The following L3MBTL3 variants were observed in gnomAD, a reference collection of about 807,000 sequenced individuals.
L3MBTL3 encodes the protein lethal(3)malignant brain tumor-like protein 3.
Under a neutral mutation model 102.3 loss-of-function variants are expected in L3MBTL3, and 27 were observed. That is an observed-to-expected ratio of 0.26 (90% CI 0.19 to 0.36). The LOEUF (loss-of-function observed/expected upper bound fraction) is 0.36, where lower values mean the gene tolerates loss of function less well. L3MBTL3 is among the 10% of genes least tolerant of loss of function. The pLI is 1.00. For synonymous variants in L3MBTL3, 340 were observed against 320.9 expected (o/e 1.06, Z -0.64); for missense variants, 798 against 955.3 (o/e 0.84, Z 2.17).
chr6:130,051,097 C>T, intron 5 of L3MBTL3, 152 bp from the exon 6 acceptor site: 1 of 579,004 alleles, frequency 1.7e-6, no homozygotes, highest in South Asian at 2.7e-5. Flanking sequence ...GCCCATACCC[C>T]CCGAAAACAC....
chr6:130,060,080 G>T lies in L3MBTL3; in HGVS notation c.804G>T (p.Met268Ile). Residue 268 changes from methionine to isoleucine, a missense_variant, in exon 10 of 23, where the codon ATG becomes ATT. Met to Ile is a conservative substitution (Grantham distance 10). Around this residue, in one of 4 missense-constraint regions of L3MBTL3, gnomAD observed 434 missense variants for 506.6 expected, o/e 0.86. Coordinates refer to ENST00000361794, the MANE Select transcript of L3MBTL3 (RefSeq NM_032438.4). ...PYNKNGFKVGMKLEGVDPEHQ... is the reference protein window; with the variant it reads ...PYNKNGFKVGIKLEGVDPEHQ... ...ACAAAAATGGATTCAAAGTTGGCAT[G>T]AAATTAGAAGGCGTGGATCCTGAGC... 1 of 1,613,786 alleles carries T rather than the reference G, an allele frequency of 6.2e-7. No homozygotes were observed. The highest frequency in any genetic ancestry group is 1.1e-5 in the South Asian group (1 of 91,054).
intron 22 of L3MBTL3, among the ~76,000 whole-genome samples, chr6:130,136,228 T>G (rs1037805961): frequency 2.6e-5 from 4 of 152,206 alleles, no homozygotes; most frequent in African/African-American, 9.6e-5. Flanking sequence ...TGCTGAAACA[T>G]AAGTCAAACC....
intron 9 of L3MBTL3, among the ~76,000 whole-genome samples, chr6:130,059,088 T>G (rs948705335): frequency 6.6e-6 from 1 of 152,068 alleles, no homozygotes; most frequent in Non-Finnish European, 1.5e-5. Context: ...AAAAAAAAAG[T>G]TTAAATGTAG....
chr6:130,019,076 G>A (rs1266339151), intron 1 of L3MBTL3, among the ~76,000 whole-genome samples: 1 of 152,034 alleles, frequency 6.6e-6, no homozygotes, highest in East Asian at 1.9e-4. Context: ...GGGCCGTGCG[G>A]AAGGGAGCCG....
At chr6:130,071,370 T>G (rs1453393100) in intron 13 of L3MBTL3, among the ~76,000 whole-genome samples, 1 of 152,208 alleles carries the variant, frequency 6.6e-6, no homozygotes, top group Non-Finnish European at 1.5e-5. Context: ...GTCTGCACAC[T>G]CCACATTCCC....
chr6:130,067,317 T>C (rs1382651693), intron 11 of L3MBTL3, among the ~76,000 whole-genome samples: 1 of 152,168 alleles, frequency 6.6e-6, no homozygotes, highest in Admixed American at 6.5e-5. Context: ...CTTCACCATG[T>C]TGGCCAGGCT....
chr6:130,051,186 G>T (rs1374072267), intron 5 of L3MBTL3, 63 bp from the exon 6 acceptor site: 1 of 1,370,412 alleles, frequency 7.3e-7, no homozygotes, highest in Non-Finnish European at 1.0e-6. Context: ...GAAAAAGTTT[G>T]ATTGTATTTT....
intron 13 of L3MBTL3, among the ~76,000 whole-genome samples, chr6:130,072,186 A>G (rs1324523607): frequency 6.6e-6 from 1 of 152,164 alleles, no homozygotes; most frequent in Admixed American, 6.5e-5. Flanking sequence ...AAATACAAAT[A>G]TACAGTATAA....
At chr6:130,122,381 A>C (rs1786286850) in intron 20 of L3MBTL3, among the ~76,000 whole-genome samples, 1 of 152,214 alleles carries the variant, frequency 6.6e-6, no homozygotes, top group Non-Finnish European at 1.5e-5. Context: ...CACGGTGTAC[A>C]AAGCCTATAA....
At chr6:130,084,831 C>T (rs1783578964) in intron 15 of L3MBTL3, among the ~76,000 whole-genome samples, 1 of 152,028 alleles carries the variant, frequency 6.6e-6, no homozygotes, top group Non-Finnish European at 1.5e-5. Flanking sequence ...TTCATGGCAA[C>T]CCTTTTTTTG....
intron 2 of L3MBTL3, among the ~76,000 whole-genome samples, chr6:130,027,141 T>C (rs1779405803): frequency 6.6e-6 from 1 of 152,200 alleles, no homozygotes; most frequent in African/African-American, 2.4e-5. Flanking sequence ...ATGGGAATTA[T>C]ATCTCTCTGT....
At chr6:130,025,393 T>C (rs1779281031) in intron 2 of L3MBTL3, among the ~76,000 whole-genome samples, 1 of 152,152 alleles carries the variant, frequency 6.6e-6, no homozygotes, top group African/African-American at 2.4e-5. Flanking sequence ...TGTAAGTCAA[T>C]AGTGGGAAAT....
intron 20 of L3MBTL3, among the ~76,000 whole-genome samples, chr6:130,121,861 C>G (rs1254806605): frequency 6.6e-6 from 1 of 152,176 alleles, no homozygotes; most frequent in African/African-American, 2.4e-5. Flanking sequence ...GCCTGGCCAA[C>G]ACGGTGAAAC....
chr6:130,129,739 G>A (rs1786879703), intron 20 of L3MBTL3, among the ~76,000 whole-genome samples: 1 of 152,172 alleles, frequency 6.6e-6, no homozygotes. Context: ...CAGGCAAAGG[G>A]AGGTGGCTGA....
chr6:130,089,930 C>T (rs561625286), intron 16 of L3MBTL3, among the ~76,000 whole-genome samples: 22 of 151,260 alleles, frequency 1.5e-4, no homozygotes, highest in East Asian at 9.7e-4. Context: ...CTTTTTTTCT[C>T]GAACTCTTTC....
At chr6:130,044,319 A>G (rs927212483) in intron 3 of L3MBTL3, among the ~76,000 whole-genome samples, 13 of 152,294 alleles carry the variant, frequency 8.5e-5, no homozygotes, top group African/African-American at 1.9e-4. Context: ...GTGACTTACT[A>G]TGTACAGTGC....
At chr6:130,033,633 G>C (rs146359262) in intron 2 of L3MBTL3, among the ~76,000 whole-genome samples, 245 of 152,318 alleles carry the variant, frequency 1.6e-3, no homozygotes, top group African/African-American at 5.1e-3. Context: ...TCTCAGGCCT[G>C]TTATCTGAAT....
At chr6:130,037,224 G>A (rs1339591061) in intron 2 of L3MBTL3, among the ~76,000 whole-genome samples, 1 of 151,978 alleles carries the variant, frequency 6.6e-6, no homozygotes, top group African/African-American at 2.4e-5. Flanking sequence ...GTAATAACCA[G>A]GATAGTCACA....
chr6:130,037,918 T>A (rs1259507818), intron 2 of L3MBTL3, among the ~76,000 whole-genome samples: 1 of 152,124 alleles, frequency 6.6e-6, no homozygotes, highest in Non-Finnish European at 1.5e-5. Flanking sequence ...AATCAACCTT[T>A]GTCTATTGCC....
Sources: allele counts gnomAD v4.1 joint callset (sites outside exome capture counted in the v4.1 genomes callset), GRCh38; gene constraint gnomAD v4.1.1; regional missense constraint gnomAD v4.1.1; transcripts MANE v1.5; gene names NCBI Gene and HGNC (gene_info 2026-07-23, HGNC 2026-07-21).